The following AFG1L variants were observed in gnomAD, a reference collection of about 807,000 sequenced individuals.
AFG1L encodes AFG1 like ATPase, also known as AFG1-like ATPase.
A neutral mutation model predicts 62.2 loss-of-function variants in AFG1L; 53 were observed. The observed-to-expected ratio is 0.85, with a 90% confidence interval of 0.68 to 1.07. The LOEUF (loss-of-function observed/expected upper bound fraction) is 1.07. Ranked by LOEUF, AFG1L falls within the 50% of genes least tolerant of loss-of-function variation. AFG1L has a pLI of 0.00. For missense variants in AFG1L, 555 were observed against 590.5 expected (o/e 0.94, Z 0.62); for synonymous variants, 228 against 210.3 (o/e 1.08, Z -0.73).
intron 2 of AFG1L, among the ~76,000 whole-genome samples, chr6:108,337,887 G>A (rs1778530836): frequency 6.6e-6 from 1 of 152,292 alleles, no homozygotes; most frequent in Non-Finnish European, 1.5e-5. Context: ...TCCTCAGGGA[G>A]ATGGTGTAAT....
intron 7 of AFG1L, among the ~76,000 whole-genome samples, chr6:108,412,877 C>A (rs1258997520): frequency 6.6e-6 from 1 of 152,128 alleles, no homozygotes; most frequent in African/African-American, 2.4e-5. Context: ...AAATAACCAG[C>A]TAACATCATA....
chr6:108,395,403 C>CTTTTTTTTTTT (rs71551344), intron 6 of AFG1L, among the ~76,000 whole-genome samples: 22 of 122,930 alleles, frequency 1.8e-4, no homozygotes, highest in South Asian at 2.6e-4. Context: ...CTTTTCTTTT[C>CTTTTTTTTTTT]TTTTTTTTTT....
intron 5 of AFG1L, among the ~76,000 whole-genome samples, chr6:108,360,639 G>A (rs1779488927): frequency 1.3e-5 from 2 of 152,284 alleles, no homozygotes; most frequent in South Asian, 4.1e-4. Context: ...GCTGATATCT[G>A]CATATACCCA....
intron 6 of AFG1L, among the ~76,000 whole-genome samples, chr6:108,377,818 CTTT>C (rs199511475): frequency 1.5e-5 from 2 of 134,708 alleles, no homozygotes; most frequent in South Asian, 2.4e-4. Flanking sequence ...GGAAAGTTTC[CTTT>C]TTTTTTTTTT....
At chr6:108,456,665 A>T (rs917572017) in intron 8 of AFG1L, among the ~76,000 whole-genome samples, 1 of 152,108 alleles carries the variant, frequency 6.6e-6, no homozygotes, top group African/African-American at 2.4e-5. Flanking sequence ...ACCCTCTGCC[A>T]ATCTACCTTC....
chr6:108,307,874 G>A (rs1215696326), intron 1 of AFG1L, among the ~76,000 whole-genome samples: 2 of 152,124 alleles, frequency 1.3e-5, no homozygotes, highest in Non-Finnish European at 2.9e-5. Context: ...TCTAATAAGT[G>A]TGTACTGATA....
At chr6:108,515,292 A>C (rs1774832570) in intron 11 of AFG1L, among the ~76,000 whole-genome samples, 2 of 152,210 alleles carry the variant, frequency 1.3e-5, no homozygotes. Context: ...ATTATATAAC[A>C]AACTGTCTCT....
At chr6:108,485,648 ATATATATATTTTTTTT>A (rs1480942754) in intron 10 of AFG1L, among the ~76,000 whole-genome samples, 1 of 21,620 alleles carries the variant, frequency 4.6e-5, no homozygotes, top group East Asian at 8.1e-4. Context: ...ATATATATAT[ATATATATATTTTTTTT>A]TTTTTTTTTT....
At chr6:108,518,515 G>C (rs887260638) in intron 11 of AFG1L, among the ~76,000 whole-genome samples, 5 of 125,050 alleles carry the variant, frequency 4.0e-5, no homozygotes, top group African/African-American at 1.5e-4. Context: ...TGGGGGGAGG[G>C]GGGAGGGATA....
At chr6:108,505,259 A>G (rs1220619911) in intron 10 of AFG1L, among the ~76,000 whole-genome samples, 2 of 152,078 alleles carry the variant, frequency 1.3e-5, no homozygotes. Context: ...GCACCCGGCT[A>G]ATTTTTGTAT....
intron 6 of AFG1L, among the ~76,000 whole-genome samples, chr6:108,373,358 A>G (rs1034968889): frequency 2.6e-5 from 4 of 152,142 alleles, no homozygotes; most frequent in Non-Finnish European, 5.9e-5. Flanking sequence ...TGTTGCTGCA[A>G]AAGACATGAT....
intron 10 of AFG1L, among the ~76,000 whole-genome samples, chr6:108,497,437 C>T (rs1038681459): frequency 2.2e-4 from 34 of 151,712 alleles, no homozygotes; most frequent in African/African-American, 7.7e-4. Context: ...TTTTCTGTTG[C>T]AATGCTGTTA....
chr6:108,481,455 C>T (rs1423602143), intron 10 of AFG1L, among the ~76,000 whole-genome samples: 1 of 152,132 alleles, frequency 6.6e-6, no homozygotes, highest in Non-Finnish European at 1.5e-5. Flanking sequence ...CTCTGTAACA[C>T]TTCTTGGCTT....
intron 11 of AFG1L, among the ~76,000 whole-genome samples, chr6:108,514,443 A>T (rs1774795673): frequency 6.6e-6 from 1 of 152,304 alleles, no homozygotes; most frequent in African/African-American, 2.4e-5. Context: ...AGACAAGCAA[A>T]TGCTGAGAGA....
intron 8 of AFG1L, among the ~76,000 whole-genome samples, chr6:108,474,669 C>T (rs923677434): frequency 1.3e-5 from 2 of 152,092 alleles, no homozygotes; most frequent in Non-Finnish European, 1.5e-5. Context: ...GTCTGTTGGC[C>T]GCATGAATGT....
intron 6 of AFG1L, among the ~76,000 whole-genome samples, chr6:108,397,350 A>G (rs552084816): frequency 3.3e-5 from 5 of 152,070 alleles, no homozygotes; most frequent in Non-Finnish European, 7.4e-5. Context: ...CTGGTCTCGA[A>G]CTCCTGACCT....
intron 11 of AFG1L, among the ~76,000 whole-genome samples, chr6:108,515,422 G>A (rs1232086158): frequency 4.6e-5 from 7 of 152,088 alleles, no homozygotes; most frequent in Admixed American, 2.0e-4. Flanking sequence ...ACAAAATGAA[G>A]GCAGAAATAA....
chr6:108,453,903 C>T (rs540186105), intron 8 of AFG1L, among the ~76,000 whole-genome samples: 43 of 152,320 alleles, frequency 2.8e-4, no homozygotes, highest in African/African-American at 1.0e-3. Flanking sequence ...CAGTCATTTC[C>T]TGTTTCAATT....
chr6:108,345,739 G>A (rs1778839658), intron 2 of AFG1L, among the ~76,000 whole-genome samples: 1 of 151,770 alleles, frequency 6.6e-6, no homozygotes, highest in Admixed American at 6.6e-5. Flanking sequence ...TGACTTTTAT[G>A]TTGGAAGTTT....
Sources: gnomAD v4.1 joint callset for allele counts (sites outside exome capture counted in the v4.1 genomes callset) on GRCh38, gnomAD v4.1.1 for gene constraint, MANE v1.5 for transcripts, NCBI Gene and HGNC (gene_info 2026-07-23, HGNC 2026-07-21) for gene names.